The following FYN variants were observed in gnomAD, a reference collection of about 807,000 sequenced individuals.
FYN encodes the protein FYN proto-oncogene, Src family tyrosine kinase.
In FYN, 10 loss-of-function variants were observed where a neutral mutation model predicts 70.2. The observed-to-expected ratio is 0.14, with a 90% CI of 0.09 to 0.24. The LOEUF (loss-of-function observed/expected upper bound fraction) is 0.24, where lower values mean the gene tolerates loss of function less well. FYN is among the 10% of genes least tolerant of loss of function. The pLI, the probability that FYN is intolerant of heterozygous loss-of-function variation, is 1.00. For missense variants in FYN, 319 were observed against 673.1 expected (o/e 0.47, Z 5.82); for synonymous variants, 236 against 248.6 (o/e 0.95, Z 0.48).
intron 2 of FYN, among the ~76,000 whole-genome samples, chr6:111,832,805 A>G (rs1003869464): frequency 1.3e-5 from 2 of 152,290 alleles, no homozygotes; most frequent in South Asian, 4.1e-4. Flanking sequence ...ACTAGTCAAT[A>G]TATAATTAAA....
chr6:111,726,099 C>G (rs1374960015), intron 3 of FYN, among the ~76,000 whole-genome samples: 1 of 152,206 alleles, frequency 6.6e-6, no homozygotes, highest in African/African-American at 2.4e-5. Flanking sequence ...CTGAATGAAC[C>G]TGGAAATGGA....
intron 9 of FYN, chr6:111,699,478 G>C: frequency 6.3e-7 from 1 of 1,599,080 alleles, no homozygotes; most frequent in African/African-American, 1.3e-5. Flanking sequence ...AATCGGCTTT[G>C]AGATGCAGCC....
At chr6:111,720,292 C>A (rs1462633540) in intron 3 of FYN, among the ~76,000 whole-genome samples, 1 of 152,154 alleles carries the variant, frequency 6.6e-6, no homozygotes, top group African/African-American at 2.4e-5. Context: ...CATCACGGAG[C>A]ACAATGTTCA....
chr6:111,750,636 TCCTCCTTTCCTCATTTTCTTC>T (rs1467495310), intron 3 of FYN, among the ~76,000 whole-genome samples: 1 of 151,992 alleles, frequency 6.6e-6, no homozygotes, highest in Non-Finnish European at 1.5e-5. Context: ...TCTTCCTCTC[TCCTCCTTTCCTCATTTTCTTC>T]CCTCCTTTCC....
intron 3 of FYN, among the ~76,000 whole-genome samples, chr6:111,769,498 C>T (rs1803358432): frequency 6.6e-6 from 1 of 152,114 alleles, no homozygotes; most frequent in Non-Finnish European, 1.5e-5. Context: ...GGAATCTAAC[C>T]TTTACTGATA....
intron 1 of FYN, among the ~76,000 whole-genome samples, chr6:111,871,965 T>C (rs982244702): frequency 6.6e-5 from 10 of 152,140 alleles, no homozygotes; most frequent in Non-Finnish European, 1.2e-4. Flanking sequence ...AACTGCTTCA[T>C]GGGAAAGAAA....
intron 7 of FYN, 33 bp from the exon 8 acceptor site, chr6:111,703,067 T>C (rs759432050): frequency 1.9e-6 from 3 of 1,603,724 alleles, no homozygotes; most frequent in Non-Finnish European, 2.6e-6. Context: ...GCAGCTCCAA[T>C]CATTTAGAGT....
At chr6:111,775,985 T>G (rs1450414187) in intron 3 of FYN, among the ~76,000 whole-genome samples, 1 of 152,196 alleles carries the variant, frequency 6.6e-6, no homozygotes, top group Non-Finnish European at 1.5e-5. Context: ...TGGTTGGATT[T>G]TGGGTTACAA....
intron 3 of FYN, among the ~76,000 whole-genome samples, chr6:111,738,708 A>G (rs1052428667): frequency 1.3e-5 from 2 of 152,262 alleles, no homozygotes; most frequent in Non-Finnish European, 1.5e-5. Context: ...ACAAAGACCT[A>G]AAGTGCCCAC....
intron 12 of FYN, among the ~76,000 whole-genome samples, chr6:111,684,246 C>T (rs1309491750): frequency 1.3e-5 from 2 of 152,026 alleles, no homozygotes; most frequent in East Asian, 3.8e-4. Context: ...GGAAGGTGGG[C>T]CCGAACATAT....
intron 12 of FYN, among the ~76,000 whole-genome samples, chr6:111,685,514 C>A (rs1798964821): frequency 6.6e-6 from 1 of 152,210 alleles, no homozygotes; most frequent in African/African-American, 2.4e-5. Flanking sequence ...ACTGAGCCCC[C>A]TCCTTTGGCT....
intron 2 of FYN, among the ~76,000 whole-genome samples, chr6:111,828,746 A>G (rs1482769021): frequency 6.6e-6 from 1 of 152,130 alleles, no homozygotes; most frequent in South Asian, 2.1e-4. Flanking sequence ...GCCAGGGGCT[A>G]GGGGAATGGC....
intron 3 of FYN, among the ~76,000 whole-genome samples, chr6:111,757,699 G>A (rs988059003): frequency 2.0e-5 from 3 of 152,194 alleles, no homozygotes; most frequent in Non-Finnish European, 4.4e-5. Flanking sequence ...GAAAGCTCTT[G>A]AATGCTTGGT....
chr6:111,764,216 C>CAAAAAAAAA (rs11409465), intron 3 of FYN, among the ~76,000 whole-genome samples: 1,348 of 58,162 alleles, frequency 0.023, 48 homozygotes, highest in African/African-American at 0.069. Context: ...TTTTGTCAAG[C>CAAAAAAAAA]AAAAAAAAAA....
chr6:111,800,474 A>C (rs1056738790), intron 2 of FYN, among the ~76,000 whole-genome samples: 2 of 152,148 alleles, frequency 1.3e-5, no homozygotes, highest in African/African-American at 4.8e-5. Context: ...GGGATATTGA[A>C]TATGAGGAAG....
In FYN at chr6:111,661,830, T is replaced by G; in HGVS notation, c.1523A>C (p.Glu508Ala). 6.2e-7 allele frequency: 1 copy of G among 1,614,196 alleles called. No individual in the cohort carries two copies. The highest frequency in any genetic ancestry group is 8.5e-7 in the Non-Finnish European group (1 of 1,180,026). The change falls in exon 14 of 14, where the codon GAA becomes GCA. Residue 508 changes from glutamate to alanine, a missense_variant. By Grantham distance (107) the Glu-to-Ala change is moderately radical (BLOSUM62 -1). This residue lies in a region of FYN where 64 missense variants were observed against 223.0 expected (regional missense o/e 0.29). Coordinates refer to ENST00000354650, the MANE Select transcript of FYN (RefSeq NM_002037.5). This position sits in a 1 kb window ranked among gnomAD's most constrained non-coding sequence, Gnocchi z 4.0. Reference protein sequence around the residue: ...LMIHCWKKDPEERPTFEYLQS... With the variant: ...LMIHCWKKDPAERPTFEYLQS... ...CAAGTACTCAAAAGTGGGGCGTTCT[T>G]CAGGGTCCTTTTTCCAGCAGTGGAT...
chr6:111,734,012 G>A (rs1000056912), intron 3 of FYN, among the ~76,000 whole-genome samples: 6 of 152,094 alleles, frequency 3.9e-5, no homozygotes, highest in African/African-American at 9.7e-5. Flanking sequence ...ACTTGAGCCC[G>A]GGATATTGAA....
chr6:111,840,541 T>C (rs1773326022), intron 2 of FYN, among the ~76,000 whole-genome samples: 1 of 152,188 alleles, frequency 6.6e-6, no homozygotes. Context: ...GGGGAATAAA[T>C]CTCTGTTGTT....
At chr6:111,794,344 T>C (rs1771735038) in intron 2 of FYN, among the ~76,000 whole-genome samples, 1 of 152,240 alleles carries the variant, frequency 6.6e-6, no homozygotes, top group Admixed American at 6.5e-5. Context: ...GCTTTTTAAA[T>C]AACTTTTGAT....
Sources: allele counts gnomAD v4.1 joint callset (sites outside exome capture counted in the v4.1 genomes callset), GRCh38; gene constraint gnomAD v4.1.1; regional missense constraint gnomAD v4.1.1; non-coding constraint Gnocchi (gnomAD v3.1); transcripts MANE v1.5; gene names NCBI Gene and HGNC (gene_info 2026-07-23, HGNC 2026-07-21).